SOCS5: variants seen among roughly 807,000 people sequenced by gnomAD.
SOCS5 encodes the protein suppressor of cytokine signaling 5, also known as CIS-6.
SOCS5 carries 32 observed loss-of-function variants against 42.8 expected under a neutral mutation model. The ratio of observed to expected loss-of-function variants is 0.75; its 90% CI spans 0.56 to 1.01. The LOEUF (loss-of-function observed/expected upper bound fraction) is 1.01, where lower values mean the gene tolerates loss of function less well. Among genes scored for constraint, SOCS5 ranks in the 50% least tolerant of loss-of-function variants. The pLI is 0.00. For synonymous variants in SOCS5, 283 were observed against 229.6 expected (o/e 1.23, Z -2.10); for missense variants, 627 against 653.0 (o/e 0.96, Z 0.43).
At position 46,761,391 on chromosome 2, in the gene SOCS5, C is replaced by T. The variant is rs1321360451; in HGVS notation, c.*1250C>T. 1.8e-5 allele frequency: 3 copies of T among 167,084 alleles called. No homozygotes were observed. Among genetic ancestry groups the T allele is most frequent in the Admixed American group, 1.3e-4 (2 of 15,288 alleles). The allele number at this position is 167,084 out of a possible 1,614,324, so 10.4% of individuals were successfully genotyped here. Reference sequence around the variant, plus strand: ...AGCCGAATCCACTCTCATGTCTTTTCGTTAATGTGCTCTGTACCACTGGTG... The same window carrying T: ...AGCCGAATCCACTCTCATGTCTTTTTGTTAATGTGCTCTGTACCACTGGTG... On this transcript the variant is annotated 3_prime_UTR_variant, in exon 2 of 2. Coordinates refer to ENST00000394861, the MANE Select transcript of SOCS5 (RefSeq NM_144949.3).
chr2:46,736,902 T>A (rs1196293491), intron 1 of SOCS5, among the ~76,000 whole-genome samples: 1 of 152,110 alleles, frequency 6.6e-6, no homozygotes, highest in African/African-American at 2.4e-5. Context: ...ATGTGGAAAT[T>A]CGAAATGTTC....
chr2:46,755,106 G>C (rs1673705525), intron 1 of SOCS5, among the ~76,000 whole-genome samples: 1 of 152,122 alleles, frequency 6.6e-6, no homozygotes, highest in South Asian at 2.1e-4. Flanking sequence ...ATAGACTGAA[G>C]AAGAGGAAGG....
intron 1 of SOCS5, among the ~76,000 whole-genome samples, chr2:46,715,367 C>T (rs1304089327): frequency 7.6e-6 from 1 of 130,788 alleles, no homozygotes; most frequent in Non-Finnish European, 1.7e-5. Flanking sequence ...GAGTAACACC[C>T]TGTCAAAAAA....
chr2:46,720,694 C>T (rs1672859013), intron 1 of SOCS5, among the ~76,000 whole-genome samples: 1 of 152,120 alleles, frequency 6.6e-6, no homozygotes, highest in African/African-American at 2.4e-5. Context: ...GTCCAATTCC[C>T]TGTTTTTCAG....
At chr2:46,758,128 A>G (rs1486535695) in intron 1 of SOCS5, among the ~76,000 whole-genome samples, 6 of 152,268 alleles carry the variant, frequency 3.9e-5, no homozygotes, top group Non-Finnish European at 7.3e-5. Flanking sequence ...TCTAGTTACA[A>G]CTTTTGAAAA....
Position 46,760,039 on chromosome 2 carries a change from GCTCCCT to G in SOCS5, c.1512_1517del (p.Leu506_Pro507del). On this transcript the variant is annotated inframe_deletion, in exon 2 of 2. Transcript: ENST00000394861. ...GCACTACGTATGATGGAATTGATGGGCTCCCTCTACCCTCAATGTTACAGGATTTTT... is the reference window on the plus strand; with the variant it reads ...GCACTACGTATGATGGAATTGATGGGCTACCCTCAATGTTACAGGATTTTT... 1 of 1,613,710 alleles carries G rather than the reference GCTCCCT, an allele frequency of 6.2e-7. No homozygotes were observed. Among genetic ancestry groups the G allele is most frequent in the Non-Finnish European group, 8.5e-7 (1 of 1,179,660 alleles).
rs1673811703 is a variant in SOCS5 at position 46,759,537 on chromosome 2, G to A, written c.1007G>A (p.Arg336Gln). The change falls in exon 2 of 2, where the codon CGG becomes CAG. Residue 336 changes from arginine to glutamine, a missense_variant. Physicochemically the swap from Arg to Gln is conservative, Grantham distance 43. Transcript: ENST00000394861. ...ACAACCACCCTGTGTTTGCAGTCAC[G>A]GAGGCAGAAGCAGCGTCAGATATCT... The part of the protein sequence containing the change: ...EDTTTLCLQS[R>Q]RQKQRQISGD... 1 of 1,613,986 alleles carries A rather than the reference G, an allele frequency of 6.2e-7. No homozygotes were observed. Among genetic ancestry groups the A allele is most frequent in the Middle Eastern group, 1.7e-4 (1 of 6,054 alleles).
At chr2:46,751,455 G>A (rs1357020553) in intron 1 of SOCS5, among the ~76,000 whole-genome samples, 2 of 150,690 alleles carry the variant, frequency 1.3e-5, no homozygotes, top group Admixed American at 6.6e-5. Context: ...ACATGCAAGT[G>A]TTTTTTTTTA....
chr2:46,709,941 A>G (rs1260071117), intron 1 of SOCS5, among the ~76,000 whole-genome samples: 1 of 152,098 alleles, frequency 6.6e-6, no homozygotes, highest in East Asian at 1.9e-4. Context: ...AGACATGAGA[A>G]TTACCTGGGG....
At chr2:46,744,705 TTTAG>T (rs1227916860) in intron 1 of SOCS5, among the ~76,000 whole-genome samples, 1 of 151,826 alleles carries the variant, frequency 6.6e-6, no homozygotes, top group African/African-American at 2.4e-5. Context: ...TTTTTGTATT[TTTAG>T]TAGAAACGGG....
intron 1 of SOCS5, among the ~76,000 whole-genome samples, chr2:46,703,675 T>G (rs1672396981): frequency 6.6e-6 from 1 of 152,240 alleles, no homozygotes; most frequent in African/African-American, 2.4e-5. Context: ...AATGGACTGT[T>G]ATTCATATTT....
At chr2:46,738,594 G>T (rs1015116034) in intron 1 of SOCS5, among the ~76,000 whole-genome samples, 2 of 152,202 alleles carry the variant, frequency 1.3e-5, no homozygotes, top group Non-Finnish European at 2.9e-5. Flanking sequence ...ACTGAAGAGT[G>T]TGTGTTGAAT....
intron 1 of SOCS5, among the ~76,000 whole-genome samples, chr2:46,710,881 G>T (rs1017294700): frequency 6.6e-6 from 1 of 152,120 alleles, no homozygotes; most frequent in African/African-American, 2.4e-5. Context: ...TCACTGTTCT[G>T]ATTTATTTCA....
intron 1 of SOCS5, among the ~76,000 whole-genome samples, chr2:46,734,593 A>T (rs1054301018): frequency 6.6e-6 from 1 of 152,178 alleles, no homozygotes; most frequent in Non-Finnish European, 1.5e-5. Context: ...TCAGAATCAT[A>T]ATCTTTTCTT....
chr2:46,757,826 A>T lies in SOCS5; in HGVS notation c.-12-693A>T, dbSNP rs537872852. The stretch of plus-strand genomic sequence containing the variant: ...GGTTGCAGTGAGCCAAGATCTCACC[A>T]TTGCACTCCAGCATGAACAACAGAG... On this transcript the variant is annotated intron_variant, in intron 1 of 1. Transcript: ENST00000394861. 3.9e-5 allele frequency among the ~76,000 whole-genome samples: 6 copies of T among 152,302 alleles called. No individual in the cohort carries two copies. The South Asian group carries it at 1.2e-3, about 32-fold the overall frequency.
Position 46,762,083 on chromosome 2 carries a change from A to T in SOCS5, c.*1942A>T, listed in dbSNP as rs1673884383. ...CCAAAATGTAGAACTTTAACCAAAG[A>T]CTTGTCCCTTTTAAAGCAAAATGGG... On this transcript the variant is annotated 3_prime_UTR_variant, in exon 2 of 2. Transcript: ENST00000394861. The T allele has an allele frequency of 6.0e-6, 1 of 167,038 alleles. No homozygotes were observed. Among genetic ancestry groups the T allele is most frequent in the Non-Finnish European group, 1.5e-5 (1 of 68,074 alleles). The allele number at this position is 167,038 out of a possible 1,614,324, so 10.3% of individuals were successfully genotyped here.
In SOCS5 at chr2:46,760,081, T is replaced by C; in HGVS notation, c.1551T>C (p.Tyr517=). 1 of 1,613,916 alleles carries C rather than the reference T, an allele frequency of 6.2e-7. No individual in the cohort carries two copies. Among genetic ancestry groups the C allele is most frequent in the Non-Finnish European group, 8.5e-7 (1 of 1,179,922 alleles). Residue 517 remains tyrosine (Y), a synonymous_variant, in exon 2 of 2, where the codon TAT becomes TAC. Coordinates refer to ENST00000394861, the MANE Select transcript of SOCS5 (RefSeq NM_144949.3). ...PSMLQDFLKE[Y]HYKQKVRVRW... Reference sequence around the variant, plus strand: ...TGTTACAGGATTTTTTAAAAGAGTATCATTATAAACAAAAAGTTAGAGTTC... The same window carrying C: ...TGTTACAGGATTTTTTAAAAGAGTACCATTATAAACAAAAAGTTAGAGTTC...
chr2:46,733,043 T>C (rs1182306427), intron 1 of SOCS5, among the ~76,000 whole-genome samples: 3 of 151,842 alleles, frequency 2.0e-5, no homozygotes, highest in Admixed American at 6.6e-5. Context: ...ATTACGTGGG[T>C]CAAAGGCCTG....
intron 1 of SOCS5, among the ~76,000 whole-genome samples, chr2:46,703,473 T>C (rs1050479464): frequency 5.3e-5 from 8 of 152,234 alleles, no homozygotes. Flanking sequence ...TGGACATTTA[T>C]TGCATTCATG....
Sources: gnomAD v4.1 joint callset for allele counts (sites outside exome capture counted in the v4.1 genomes callset) on GRCh38, gnomAD v4.1.1 for gene constraint, MANE v1.5 for transcripts, NCBI Gene and HGNC (gene_info 2026-07-23, HGNC 2026-07-21) for gene names.